CEP170: variants seen among roughly 807,000 people sequenced by gnomAD.
CEP170 encodes the protein centrosomal protein of 170 kDa.
In CEP170, 21 loss-of-function variants were observed where a neutral mutation model predicts 151.9. That is an observed-to-expected ratio of 0.14 (90% CI 0.10 to 0.20). The LOEUF (loss-of-function observed/expected upper bound fraction) is 0.20, where lower values mean the gene tolerates loss of function less well. CEP170 is among the 10% of genes least tolerant of loss of function. The pLI, the probability that CEP170 is intolerant of heterozygous loss-of-function variation, is 1.00. For synonymous variants in CEP170, 356 were observed against 648.8 expected (o/e 0.55, Z 6.86); for missense variants, 964 against 1,892.9 (o/e 0.51, Z 9.11).
chr1:243,182,377 C>T (rs1373465618), intron 10 of CEP170, among the ~76,000 whole-genome samples: 1 of 152,114 alleles, frequency 6.6e-6, no homozygotes, highest in Non-Finnish European at 1.5e-5. Flanking sequence ...AAGACAGCTG[C>T]CCTCTATTGT....
At chr1:243,176,040 C>T (rs527870618) in intron 10 of CEP170, among the ~76,000 whole-genome samples, 1 of 152,222 alleles carries the variant, frequency 6.6e-6, no homozygotes, top group South Asian at 2.1e-4. Context: ...TCATCATCTG[C>T]CTGCCTCAGC....
At chr1:243,224,564 T>C (rs1304221879) in intron 2 of CEP170, among the ~76,000 whole-genome samples, 8 of 152,212 alleles carry the variant, frequency 5.3e-5, no homozygotes, top group Admixed American at 5.2e-4. Context: ...TGAACTTGTT[T>C]TATAGTGTTT....
chr1:243,166,136 A>G lies in CEP170; in HGVS notation c.1844-20T>C. On this transcript the variant is annotated intron_variant, in intron 12 of 19. Transcript: ENST00000366542. The stretch of plus-strand genomic sequence containing the variant: ...CTGTCTCTATGAAATAAAAACCACA[A>G]AGAAGGAATTGATTAAGACAAATAA... The G allele has an allele frequency of 6.2e-7, 1 of 1,611,140 alleles. No homozygotes were observed. The highest frequency in any genetic ancestry group is 8.5e-7 in the Non-Finnish European group (1 of 1,178,532).
chr1:243,128,504 C>G (rs2261577), intron 18 of CEP170: 2 of 524,650 alleles, frequency 3.8e-6, no homozygotes, highest in Non-Finnish European at 6.4e-6. Flanking sequence ...AAATGAAATA[C>G]AATAACTTTT....
At chr1:243,178,503 G>C (rs1231078811) in intron 10 of CEP170, among the ~76,000 whole-genome samples, 1 of 152,044 alleles carries the variant, frequency 6.6e-6, no homozygotes, top group Non-Finnish European at 1.5e-5. Context: ...CTGCCAGGAG[G>C]CTGGGAGAGG....
At chr1:243,190,270 G>A (rs1014796774) in intron 8 of CEP170, among the ~76,000 whole-genome samples, 13 of 151,834 alleles carry the variant, frequency 8.6e-5, no homozygotes, top group African/African-American at 2.9e-4. Context: ...TAAAAGATAG[G>A]GTAACATAAA....
chr1:243,218,341 G>C (rs1174132290), intron 3 of CEP170, among the ~76,000 whole-genome samples: 1 of 152,266 alleles, frequency 6.6e-6, no homozygotes, highest in African/African-American at 2.4e-5. Context: ...GGGTAGGGCA[G>C]AGGCCATGGT....
chr1:243,210,560 T>A (rs1281803604), intron 4 of CEP170, among the ~76,000 whole-genome samples: 1 of 151,464 alleles, frequency 6.6e-6, no homozygotes, highest in Non-Finnish European at 1.5e-5. Context: ...GCTACAAAAC[T>A]TTAATTTTAG....
intron 1 of CEP170, among the ~76,000 whole-genome samples, chr1:243,226,290 T>C (rs1299861556): frequency 6.6e-6 from 1 of 150,510 alleles, no homozygotes; most frequent in Non-Finnish European, 1.5e-5. Flanking sequence ...ATGAAACTGG[T>C]ATTTATTAAG....
intron 1 of CEP170, among the ~76,000 whole-genome samples, chr1:243,230,038 C>A (rs1315197757): frequency 6.6e-6 from 1 of 151,952 alleles, no homozygotes; most frequent in African/African-American, 2.4e-5. Context: ...TCCAGATCTA[C>A]CACAACATAA....
At chr1:243,239,221 T>C (rs1015765000) in intron 1 of CEP170, among the ~76,000 whole-genome samples, 1 of 152,208 alleles carries the variant, frequency 6.6e-6, no homozygotes, top group Non-Finnish European at 1.5e-5. Context: ...GTGCCTTTTT[T>C]CCTGTTCTCC....
At chr1:243,155,436 T>C (rs1348420189) in intron 14 of CEP170, among the ~76,000 whole-genome samples, 1 of 152,054 alleles carries the variant, frequency 6.6e-6, no homozygotes, top group East Asian at 1.9e-4. Flanking sequence ...AACTTGAAGA[T>C]TAAGGTCTTA....
At chr1:243,189,488 G>A (rs1472683665) in intron 8 of CEP170, among the ~76,000 whole-genome samples, 6 of 150,818 alleles carry the variant, frequency 4.0e-5, no homozygotes, top group East Asian at 3.9e-4. Context: ...CCCAGGAGGC[G>A]GAGCTTGCAG....
At chr1:243,232,773 C>T (rs2063869634) in intron 1 of CEP170, among the ~76,000 whole-genome samples, 1 of 151,940 alleles carries the variant, frequency 6.6e-6, no homozygotes, top group Non-Finnish European at 1.5e-5. Context: ...TAGGGTGTTA[C>T]TAGAACAACA....
intron 14 of CEP170, among the ~76,000 whole-genome samples, chr1:243,146,398 A>C (rs946672867): frequency 9.2e-5 from 14 of 152,242 alleles, no homozygotes; most frequent in African/African-American, 2.9e-4. Flanking sequence ...TATAAAAGCC[A>C]GTCAGCCAAA....
intron 19 of CEP170, among the ~76,000 whole-genome samples, chr1:243,127,861 GTA>G (rs2053889100): frequency 6.6e-6 from 1 of 152,116 alleles, no homozygotes; most frequent in African/African-American, 2.4e-5. Context: ...CTATTAGAAT[GTA>G]AGTTTGTTTC....
rs572462665 is a variant in CEP170, at chr1:243,187,426, A to T, written c.1109-1004T>A. On this transcript the variant is annotated intron_variant, in intron 8 of 19. Coordinates refer to ENST00000366542, the MANE Select transcript of CEP170 (RefSeq NM_014812.3). ...TGTATTATTATAGCATGAAATTATT[A>T]GAAAGTCAAGTTATTCTGTGCATGT... Among the ~76,000 whole-genome samples the T allele has an allele frequency of 2.1e-4, 32 of 152,364 alleles. 1 individual carries two copies. The highest frequency in any genetic ancestry group is 7.0e-4 in the African/African-American group (29 of 41,586).
intron 1 of CEP170, 28 bp from the exon 2 acceptor site, chr1:243,225,349 C>A: frequency 4.4e-6 from 4 of 916,018 alleles, no homozygotes; most frequent in South Asian, 1.8e-5. Context: ...GAAAAATATA[C>A]GTTCAGATAT....
Position 243,225,340 on chromosome 1 carries a change from A to T in CEP170, c.-41-19T>A. On this transcript the variant is annotated intron_variant, in intron 1 of 19. Coordinates refer to ENST00000366542, the MANE Select transcript of CEP170 (RefSeq NM_014812.3). ...CGTCATCCTGAAGAGAAACATGAAG[A>T]AAAATATACGTTCAGATATTTTTAG... is the stretch of plus-strand genomic sequence containing the variant. 9.9e-7 allele frequency: 1 copy of T among 1,010,754 alleles called. No individual in the cohort carries two copies. Among genetic ancestry groups the T allele is most frequent in the Non-Finnish European group, 1.4e-6 (1 of 699,900 alleles). The allele number at this position is 1,010,754 out of a possible 1,614,324, so 62.6% of individuals were successfully genotyped here.
Sources: gnomAD v4.1 joint callset for allele counts (sites outside exome capture counted in the v4.1 genomes callset) on GRCh38, gnomAD v4.1.1 for gene constraint, MANE v1.5 for transcripts, NCBI Gene and HGNC (gene_info 2026-07-23, HGNC 2026-07-21) for gene names.